VEGFC: variants seen among roughly 807,000 people sequenced by gnomAD.
VEGFC encodes vascular endothelial growth factor C, also known as FLT4 ligand DHM.
In VEGFC, 12 loss-of-function variants were observed where a neutral mutation model predicts 46.1. The observed-to-expected ratio is 0.26, with a 90% confidence interval of 0.17 to 0.42. The LOEUF is 0.42. Ranked by LOEUF, VEGFC falls within the 10% of genes least tolerant of loss-of-function variation. VEGFC has a pLI of 1.00. For synonymous variants in VEGFC, 232 were observed against 195.5 expected (o/e 1.19, Z -1.56); for missense variants, 488 against 529.4 (o/e 0.92, Z 0.77).
At chr4:176,780,692 T>C (rs1175183820) in intron 1 of VEGFC, among the ~76,000 whole-genome samples, 1 of 152,104 alleles carries the variant, frequency 6.6e-6, no homozygotes, top group African/African-American at 2.4e-5. Flanking sequence ...ATTAGGAAAA[T>C]AGCACAGAAA....
At chr4:176,691,332 T>A (rs1734175767) in intron 4 of VEGFC, among the ~76,000 whole-genome samples, 1 of 152,204 alleles carries the variant, frequency 6.6e-6, no homozygotes. Context: ...TTTTGTATAG[T>A]GTATTTATAA....
intron 1 of VEGFC, among the ~76,000 whole-genome samples, chr4:176,787,824 T>C (rs925426367): frequency 6.6e-6 from 1 of 152,192 alleles, no homozygotes; most frequent in Non-Finnish European, 1.5e-5. Flanking sequence ...ACACTATAAC[T>C]CAAACTCATC....
intron 1 of VEGFC, among the ~76,000 whole-genome samples, chr4:176,763,568 C>G (rs1163820728): frequency 9.9e-5 from 15 of 152,140 alleles, no homozygotes; most frequent in Admixed American, 8.5e-4. Flanking sequence ...TAGCGGTACA[C>G]TGGCATTCAT....
intron 1 of VEGFC, among the ~76,000 whole-genome samples, chr4:176,766,659 T>C (rs1245755895): frequency 6.6e-6 from 1 of 150,652 alleles, no homozygotes; most frequent in East Asian, 1.9e-4. Context: ...GTGATACTAA[T>C]GCCAGAGAGC....
intron 4 of VEGFC, among the ~76,000 whole-genome samples, chr4:176,704,124 C>T (rs1734481513): frequency 6.6e-6 from 1 of 152,140 alleles, no homozygotes; most frequent in South Asian, 2.1e-4. Context: ...CATGTCTCCA[C>T]TGGCTTTTGT....
intron 1 of VEGFC, among the ~76,000 whole-genome samples, chr4:176,761,798 T>C (rs1735534921): frequency 6.6e-6 from 1 of 152,176 alleles, no homozygotes; most frequent in African/African-American, 2.4e-5. Flanking sequence ...GGAAGTGCTT[T>C]CAGGCAGATG....
chr4:176,775,837 T>C (rs1735805499), intron 1 of VEGFC, among the ~76,000 whole-genome samples: 1 of 152,192 alleles, frequency 6.6e-6, no homozygotes, highest in Non-Finnish European at 1.5e-5. Flanking sequence ...CTAGTTACCA[T>C]TTCCCAAACA....
intron 1 of VEGFC, among the ~76,000 whole-genome samples, chr4:176,749,913 C>T (rs867168100): frequency 1.3e-5 from 2 of 151,560 alleles, no homozygotes. Flanking sequence ...CATATTGTGT[C>T]TCTTCATCTT....
intron 1 of VEGFC, among the ~76,000 whole-genome samples, chr4:176,776,939 GTTGTA>G (rs1057011514): frequency 1.3e-5 from 2 of 152,148 alleles, no homozygotes; most frequent in African/African-American, 4.8e-5. Flanking sequence ...CACAGTAAGT[GTTGTA>G]TTGTTCTAAT....
At chr4:176,757,759 C>T (rs1650702409) in intron 1 of VEGFC, among the ~76,000 whole-genome samples, 1 of 151,982 alleles carries the variant, frequency 6.6e-6, no homozygotes, top group Non-Finnish European at 1.5e-5. Flanking sequence ...ATTTAATTCT[C>T]ATATAATTAT....
At chr4:176,690,186 A>C (rs1734127911) in intron 4 of VEGFC, among the ~76,000 whole-genome samples, 2 of 152,162 alleles carry the variant, frequency 1.3e-5, no homozygotes, top group African/African-American at 4.8e-5. Context: ...ATCTTCACAT[A>C]AACTGTTATT....
chr4:176,783,397 T>G (rs543600072), intron 1 of VEGFC, among the ~76,000 whole-genome samples: 2 of 152,214 alleles, frequency 1.3e-5, no homozygotes, highest in Non-Finnish European at 2.9e-5. Flanking sequence ...CATTGTAAAT[T>G]TAGAATGCAT....
At position 176,687,302 on chromosome 4, in the gene VEGFC, T is replaced by C; in HGVS notation, c.1030A>G (p.Lys344Glu). 6.2e-7 allele frequency: 1 copy of C among 1,614,214 alleles called. No homozygotes were observed. Among genetic ancestry groups the C allele is most frequent in the Non-Finnish European group, 8.5e-7 (1 of 1,180,038 alleles). ...FDENTCQCVC[K>E]RTCPRNQPLN... is the part of the protein sequence containing the mutation. ...GGTTGATTTCTGGGGCAGGTTCTTT[T>C]ACATACACACTGGCATGTGTTTTCA... The change falls in exon 6 of 7, where the codon AAA (lysine) becomes GAA (glutamate). Residue 344 changes from lysine (K) to glutamate (E), a missense_variant. By Grantham distance (56) the Lys-to-Glu change is moderately conservative (BLOSUM62 1). Transcript: ENST00000618562.
chr4:176,743,293 C>T (rs1237588737), intron 1 of VEGFC, among the ~76,000 whole-genome samples: 1 of 151,716 alleles, frequency 6.6e-6, no homozygotes, highest in Non-Finnish European at 1.5e-5. Context: ...TAAAAAAATG[C>T]TAAAAATATT....
intron 1 of VEGFC, among the ~76,000 whole-genome samples, chr4:176,773,524 G>A (rs1017989994): frequency 2.0e-5 from 3 of 151,926 alleles, no homozygotes; most frequent in African/African-American, 4.8e-5. Flanking sequence ...TGTCTTCCTA[G>A]TATACAAAAA....
chr4:176,740,343 ATATT>A (rs1281671865), intron 1 of VEGFC, among the ~76,000 whole-genome samples: 1 of 120,276 alleles, frequency 8.3e-6, no homozygotes, highest in Non-Finnish European at 1.6e-5. Flanking sequence ...ATATAACTAT[ATATT>A]TATATATAGT....
chr4:176,734,772 A>G (rs1009032033), intron 1 of VEGFC, among the ~76,000 whole-genome samples: 2 of 151,874 alleles, frequency 1.3e-5, no homozygotes, highest in African/African-American at 4.8e-5. Flanking sequence ...TGCGTTTATT[A>G]TACATTCATA....
At chr4:176,702,274 T>A (rs1734447661) in intron 4 of VEGFC, among the ~76,000 whole-genome samples, 1 of 152,152 alleles carries the variant, frequency 6.6e-6, no homozygotes, top group Admixed American at 6.6e-5. Flanking sequence ...ATAAAAGAAA[T>A]AAAAGACAGC....
At chr4:176,774,941 C>T (rs1011585548) in intron 1 of VEGFC, among the ~76,000 whole-genome samples, 1 of 152,144 alleles carries the variant, frequency 6.6e-6, no homozygotes, top group African/African-American at 2.4e-5. Context: ...ATTGGTCCAG[C>T]CTCAGACTAG....
Sources: allele counts gnomAD v4.1 joint callset (sites outside exome capture counted in the v4.1 genomes callset), GRCh38; gene constraint gnomAD v4.1.1; transcripts MANE v1.5; gene names NCBI Gene and HGNC (gene_info 2026-07-23, HGNC 2026-07-21).